The following PID1 variants were observed in gnomAD, a reference collection of about 807,000 sequenced individuals.
PID1 encodes PTB-containing, cubilin and LRP1-interacting protein.
PID1 carries 10 observed loss-of-function variants against 19.1 expected under a neutral mutation model. The observed-to-expected ratio is 0.52, with a 90% confidence interval of 0.32 to 0.89. The LOEUF (loss-of-function observed/expected upper bound fraction) is 0.89, where lower values mean the gene tolerates loss of function less well. Among genes scored for constraint, PID1 ranks in the 40% least tolerant of loss-of-function variants. PID1 has a pLI of 0.03. For missense variants in PID1, 248 were observed against 285.3 expected, an observed-to-expected ratio of 0.87 and a Z score of 0.94; for synonymous variants, 130 against 116.0, an observed-to-expected ratio of 1.12 and a Z score of -0.78.
intron 2 of PID1, among the ~76,000 whole-genome samples, chr2:229,124,064 G>T (rs1008010217): frequency 6.6e-6 from 1 of 152,128 alleles, no homozygotes; most frequent in Non-Finnish European, 1.5e-5. Flanking sequence ...TGGCGAGACT[G>T]GAAGGCAGCA....
At position 229,258,794 on chromosome 2, in the gene PID1, G is replaced by A. The variant is rs1386852643; in HGVS notation, c.30+12220C>T. 3.3e-5 allele frequency among the ~76,000 whole-genome samples: 5 copies of A among 150,846 alleles called. No homozygotes were observed. The East Asian group carries it at 7.8e-4, about 24-fold the overall frequency. ...GGAGAACGGCGTGAACCCAGGAGGC[G>A]GAGCTTGCAGTGAGCTGAGATGGCG... On this transcript the variant is annotated intron_variant, in intron 1 of 2. Coordinates refer to ENST00000392055, the MANE Select transcript of PID1 (RefSeq NM_001100818.2).
intron 1 of PID1, among the ~76,000 whole-genome samples, chr2:229,241,712 C>T (rs1472700024): frequency 6.6e-6 from 1 of 152,042 alleles, no homozygotes; most frequent in Non-Finnish European, 1.5e-5. Context: ...AATAATCAAC[C>T]TAGATCACCA....
intron 2 of PID1, among the ~76,000 whole-genome samples, chr2:229,103,094 A>C (rs1039071338): frequency 2.6e-5 from 4 of 152,190 alleles, no homozygotes; most frequent in Admixed American, 1.3e-4. Flanking sequence ...CTCTTTTTGA[A>C]TCAGGGATGA....
At chr2:229,252,703 T>C (rs1344262589) in intron 1 of PID1, among the ~76,000 whole-genome samples, 4 of 152,234 alleles carry the variant, frequency 2.6e-5, no homozygotes, top group African/African-American at 7.2e-5. Context: ...GTCTGTCAAC[T>C]TCCTAAAACA....
chr2:229,217,030 T>A (rs1691863010), intron 1 of PID1, among the ~76,000 whole-genome samples: 1 of 152,202 alleles, frequency 6.6e-6, no homozygotes, highest in African/African-American at 2.4e-5. Context: ...GTAGATAAAA[T>A]CACTATACAA....
At chr2:229,032,640 A>G (rs1209353259) in intron 2 of PID1, among the ~76,000 whole-genome samples, 1 of 152,240 alleles carries the variant, frequency 6.6e-6, no homozygotes, top group Non-Finnish European at 1.5e-5. Flanking sequence ...AGGAAAAGTA[A>G]CAACTAGCTG....
rs772231276 is a variant in PID1, at chr2:229,025,928, C to T, written c.358G>A (p.Glu120Lys). Residue 120 changes from glutamate to lysine, a missense_variant, in exon 3 of 3, where the codon GAG (glutamate) becomes AAG (lysine). Glu to Lys is a moderately conservative substitution (Grantham distance 56). Transcript: ENST00000392055. ...AAGGTATCCATGTGCACTGTGGCCT[C>T]CCCTTTGTGGTCGAGATGATGGAGC... Reference protein sequence around the residue: ...VWLHHLDHKGEATVHMDTFQV... With the variant: ...VWLHHLDHKGKATVHMDTFQV... 44 of 1,614,152 alleles carry T rather than the reference C, an allele frequency of 2.7e-5. No individual in the cohort carries two copies. The highest frequency in any genetic ancestry group is 3.6e-5 in the Non-Finnish European group (42 of 1,179,992).
At chr2:229,031,040 A>C (rs1412008493) in intron 2 of PID1, among the ~76,000 whole-genome samples, 1 of 151,090 alleles carries the variant, frequency 6.6e-6, no homozygotes, top group East Asian at 2.0e-4. Context: ...ATATGGTGAA[A>C]CCCCATCTCT....
chr2:229,082,577 A>G (rs750309996), intron 2 of PID1, among the ~76,000 whole-genome samples: 3 of 152,212 alleles, frequency 2.0e-5, no homozygotes, highest in Non-Finnish European at 4.4e-5. Context: ...AAGTGTGAAA[A>G]GGACTCCAAC....
At chr2:229,265,244 A>C (rs1690564741) in intron 1 of PID1, among the ~76,000 whole-genome samples, 1 of 152,262 alleles carries the variant, frequency 6.6e-6, no homozygotes, top group Non-Finnish European at 1.5e-5. Flanking sequence ...TTGAAACATA[A>C]GAGGGCAGAG....
intron 2 of PID1, among the ~76,000 whole-genome samples, chr2:229,147,624 C>A (rs987683504): frequency 2.0e-5 from 3 of 151,942 alleles, no homozygotes; most frequent in Admixed American, 6.6e-5. Flanking sequence ...ATTTCTACAA[C>A]AAAATTTTTG....
intron 2 of PID1, among the ~76,000 whole-genome samples, chr2:229,087,985 A>C (rs562825178): frequency 6.6e-6 from 1 of 152,212 alleles, no homozygotes; most frequent in African/African-American, 2.4e-5. Context: ...CCCCACACAC[A>C]AACACCTGCA....
chr2:229,081,550 C>G (rs577298685), intron 2 of PID1, among the ~76,000 whole-genome samples: 1 of 152,304 alleles, frequency 6.6e-6, no homozygotes, highest in Non-Finnish European at 1.5e-5. Flanking sequence ...GAATGGCATG[C>G]TGATGCAGAT....
intron 1 of PID1, among the ~76,000 whole-genome samples, chr2:229,195,034 T>G (rs572261660): frequency 1.4e-4 from 21 of 151,914 alleles, no homozygotes; most frequent in Non-Finnish European, 2.7e-4. Flanking sequence ...CAGTGAATGT[T>G]TTACAGTTAC....
At chr2:229,125,166 T>C (rs1002079189) in intron 2 of PID1, among the ~76,000 whole-genome samples, 1 of 152,172 alleles carries the variant, frequency 6.6e-6, no homozygotes, top group African/African-American at 2.4e-5. Context: ...TTTGCTATAG[T>C]GTTGAAGAAT....
intron 1 of PID1, among the ~76,000 whole-genome samples, chr2:229,159,837 T>C (rs929585698): frequency 3.9e-5 from 6 of 152,184 alleles, no homozygotes; most frequent in African/African-American, 1.4e-4. Flanking sequence ...AATCTGGAAG[T>C]TTCTGTCCTT....
At chr2:229,068,728 C>A (rs2106199901) in intron 2 of PID1, among the ~76,000 whole-genome samples, 1 of 152,254 alleles carries the variant, frequency 6.6e-6, no homozygotes, top group African/African-American at 2.4e-5. Flanking sequence ...ACACAGGAAG[C>A]CGCCCGCAAG....
At chr2:229,251,655 T>C (rs1690153508) in intron 1 of PID1, among the ~76,000 whole-genome samples, 1 of 152,220 alleles carries the variant, frequency 6.6e-6, no homozygotes, top group African/African-American at 2.4e-5. Flanking sequence ...TAATTTGCTC[T>C]ATCACACATT....
intron 2 of PID1, among the ~76,000 whole-genome samples, chr2:229,036,504 A>T (rs968219075): frequency 2.6e-5 from 4 of 152,090 alleles, no homozygotes; most frequent in Admixed American, 6.5e-5. Context: ...TAATCCTAGC[A>T]CTTTGGGAGG....
Sources: gnomAD v4.1 joint callset for allele counts (sites outside exome capture counted in the v4.1 genomes callset) on GRCh38, gnomAD v4.1.1 for gene constraint, MANE v1.5 for transcripts, NCBI Gene and HGNC (gene_info 2026-07-23, HGNC 2026-07-21) for gene names.